PPP2R3A: variants seen among roughly 807,000 people sequenced by gnomAD.
The protein encoded by PPP2R3A is serine/threonine-protein phosphatase 2A regulatory subunit B'' subunit alpha.
In PPP2R3A, 80 loss-of-function variants were observed where a neutral mutation model predicts 106.9. The observed-to-expected ratio is 0.75, with a 90% CI of 0.62 to 0.90. PPP2R3A has a LOEUF of 0.90. Among genes scored for constraint, PPP2R3A ranks in the 40% least tolerant of loss-of-function variants. The pLI, the probability that PPP2R3A is intolerant of heterozygous loss-of-function variation, is 0.00. For missense variants in PPP2R3A, 1,386 were observed against 1,350.4 expected (o/e 1.03, Z -0.41); for synonymous variants, 483 against 468.3 (o/e 1.03, Z -0.41).
At chr3:136,015,775 T>G (rs764060157) in intron 2 of PPP2R3A, among the ~76,000 whole-genome samples, 5 of 152,154 alleles carry the variant, frequency 3.3e-5, no homozygotes, top group Non-Finnish European at 5.9e-5. Flanking sequence ...GCTTTTTGTT[T>G]CATTTCTCTT....
intron 13 of PPP2R3A, among the ~76,000 whole-genome samples, chr3:136,135,789 G>A (rs1446077410): frequency 3.9e-5 from 6 of 151,950 alleles, no homozygotes; most frequent in Admixed American, 1.3e-4. Context: ...AGTGGCTCAC[G>A]CCTGTAATCT....
intron 13 of PPP2R3A, among the ~76,000 whole-genome samples, chr3:136,109,354 A>G (rs998506611): frequency 5.3e-5 from 8 of 152,210 alleles, no homozygotes; most frequent in Non-Finnish European, 8.8e-5. Flanking sequence ...AACTAACGCA[A>G]ATATTTCTAG....
At chr3:136,111,841 TA>T (rs971282541) in intron 13 of PPP2R3A, among the ~76,000 whole-genome samples, 4 of 151,206 alleles carry the variant, frequency 2.6e-5, no homozygotes, top group Non-Finnish European at 4.4e-5. Flanking sequence ...GCAGACACAA[TA>T]AAAAAAACTT....
intron 5 of PPP2R3A, among the ~76,000 whole-genome samples, chr3:136,065,764 T>C (rs1936246274): frequency 6.6e-6 from 1 of 152,198 alleles, no homozygotes; most frequent in African/African-American, 2.4e-5. Flanking sequence ...CAGCCTCAAC[T>C]ATGTGGGCTC....
At chr3:136,062,416 A>G (rs1479110465) in intron 5 of PPP2R3A, among the ~76,000 whole-genome samples, 1 of 152,100 alleles carries the variant, frequency 6.6e-6, no homozygotes, top group African/African-American at 2.4e-5. Flanking sequence ...AACTCCATGC[A>G]ATACAGTTAC....
chr3:136,066,912 A>G (rs889251242), intron 5 of PPP2R3A, among the ~76,000 whole-genome samples: 1 of 152,200 alleles, frequency 6.6e-6, no homozygotes, highest in African/African-American at 2.4e-5. Context: ...ATCTAAGGAA[A>G]AAAAATTTCT....
chr3:136,126,189 C>G (rs954749782), intron 13 of PPP2R3A, among the ~76,000 whole-genome samples: 2 of 152,192 alleles, frequency 1.3e-5, no homozygotes, highest in African/African-American at 2.4e-5. Context: ...CCAGGAAGCA[C>G]AAGGGGTTGG....
At chr3:136,137,635 A>G (rs961540001) in intron 13 of PPP2R3A, among the ~76,000 whole-genome samples, 1 of 141,716 alleles carries the variant, frequency 7.1e-6, no homozygotes, top group Non-Finnish European at 1.5e-5. Flanking sequence ...TCCGCCTCCC[A>G]GGTTCAGGCC....
At chr3:136,096,809 A>G (rs559020626) in intron 10 of PPP2R3A, among the ~76,000 whole-genome samples, 1 of 152,334 alleles carries the variant, frequency 6.6e-6, no homozygotes, top group African/African-American at 2.4e-5. Flanking sequence ...GGAAAGGACA[A>G]GAAGTAATCT....
chr3:136,114,052 C>A (rs1410985352), intron 13 of PPP2R3A, among the ~76,000 whole-genome samples: 3 of 152,144 alleles, frequency 2.0e-5, no homozygotes, highest in Non-Finnish European at 2.9e-5. Context: ...TTCTGCATTC[C>A]CCGCTGAGGT....
intron 3 of PPP2R3A, among the ~76,000 whole-genome samples, chr3:136,031,981 A>C (rs141590401): frequency 1.4e-4 from 21 of 152,300 alleles, no homozygotes; most frequent in African/African-American, 4.3e-4. Context: ...TGCGTTGGCC[A>C]TGCGGGCTCT....
chr3:136,103,176 C>G, intron 11 of PPP2R3A, 82 bp from the exon 12 acceptor site: 2 of 768,712 alleles, frequency 2.6e-6, no homozygotes, highest in Non-Finnish European at 4.3e-6. Context: ...TATACCTATA[C>G]TTTTAGATGT....
At chr3:136,136,069 AAAAATTATATAT>A (rs1938606976) in intron 13 of PPP2R3A, among the ~76,000 whole-genome samples, 1 of 50,628 alleles carries the variant, frequency 2.0e-5, no homozygotes, top group Non-Finnish European at 4.1e-5. Flanking sequence ...AAAAAAAAAA[AAAAATTATATAT>A]ATATATATAT....
At position 136,045,562 on chromosome 3, in the gene PPP2R3A, G is replaced by A. The variant is rs537151198; in HGVS notation, c.2367-3697G>A. Among the ~76,000 whole-genome samples the A allele has an allele frequency of 1.0e-3, 153 of 152,310 alleles. 1 individual carries two copies. The highest frequency in any genetic ancestry group is 3.5e-3 in the African/African-American group (144 of 41,572). Reference sequence around the variant, plus strand: ...CAGAAGTCTTGTGACAAACTAGCTGGTTGGGCCAAATTCTGGGCAGTAACC... The same window carrying A: ...CAGAAGTCTTGTGACAAACTAGCTGATTGGGCCAAATTCTGGGCAGTAACC... On this transcript the variant is annotated intron_variant, in intron 4 of 13. Transcript: ENST00000264977.
intron 2 of PPP2R3A, among the ~76,000 whole-genome samples, chr3:136,013,182 GTATGTATGTA>G (rs1367703409): frequency 0.015 from 1,836 of 121,564 alleles, 26 homozygotes; most frequent in African/African-American, 0.033. Context: ...GTGTGTGTGT[GTATGTATGTA>G]TGTATGTATG....
chr3:136,103,965 C>T (rs1041826469), intron 12 of PPP2R3A, among the ~76,000 whole-genome samples: 5 of 152,158 alleles, frequency 3.3e-5, no homozygotes, highest in African/African-American at 1.2e-4. Flanking sequence ...TACATACGAT[C>T]CATGTTAAAA....
chr3:136,063,991 A>G (rs1348324832), intron 5 of PPP2R3A, among the ~76,000 whole-genome samples: 1 of 151,228 alleles, frequency 6.6e-6, no homozygotes, highest in Non-Finnish European at 1.5e-5. Context: ...GGCACTATTC[A>G]CAATAGCAAA....
intron 13 of PPP2R3A, among the ~76,000 whole-genome samples, chr3:136,143,150 CAAGT>C (rs896644392): frequency 5.3e-5 from 8 of 152,192 alleles, no homozygotes; most frequent in African/African-American, 1.9e-4. Context: ...AATTTTCTAT[CAAGT>C]AAGCTTTTTA....
At chr3:135,984,787 G>A (rs952389621) in intron 1 of PPP2R3A, among the ~76,000 whole-genome samples, 4 of 152,086 alleles carry the variant, frequency 2.6e-5, no homozygotes, top group South Asian at 4.1e-4. Flanking sequence ...TATCCAAGAC[G>A]GGGCAATTTA....
Sources: gnomAD v4.1 joint callset for allele counts (sites outside exome capture counted in the v4.1 genomes callset) on GRCh38, gnomAD v4.1.1 for gene constraint, MANE v1.5 for transcripts, NCBI Gene and HGNC (gene_info 2026-07-23, HGNC 2026-07-21) for gene names.